The following SC5D variants were observed in gnomAD, a reference collection of about 807,000 sequenced individuals.
SC5D encodes sterol-C5-desaturase.
SC5D carries 21 observed loss-of-function variants against 23.9 expected under a neutral mutation model. That is an observed-to-expected ratio of 0.88 (90% confidence interval 0.62 to 1.26). SC5D has a LOEUF of 1.26. Among genes scored for constraint, SC5D ranks in the 50% most tolerant of loss-of-function variants. SC5D has a pLI of 0.00. For missense variants in SC5D, 309 were observed against 364.8 expected (o/e 0.85, Z 1.25); for synonymous variants, 113 against 125.9 (o/e 0.90, Z 0.68).
rs1385741080 is a variant in SC5D at position 121,309,006 on chromosome 11, AAAAG to A, written c.*1498_*1501del. Among the ~76,000 whole-genome samples the A allele has an allele frequency of 2.0e-4, 30 of 152,250 alleles. No individual in the cohort carries two copies. The highest frequency in any genetic ancestry group is 7.2e-4 in the African/African-American group (30 of 41,472). ...CCCCGGTGCTCCGCCTTGCCTAAGAAAAAGAAATTAAGGAGAAGTAAACTTTATT... is the reference window on the plus strand; with the variant it reads ...CCCCGGTGCTCCGCCTTGCCTAAGAAAAATTAAGGAGAAGTAAACTTTATT... On this transcript the variant is annotated 3_prime_UTR_variant, in exon 5 of 5. Coordinates refer to ENST00000264027, the MANE Select transcript of SC5D (RefSeq NM_006918.5).
At chr11:121,298,768 G>T (rs1947906908) in intron 1 of SC5D, among the ~76,000 whole-genome samples, 1 of 152,172 alleles carries the variant, frequency 6.6e-6, no homozygotes. Context: ...GAGCAATAAA[G>T]CTTTTTTAAT....
At chr11:121,296,543 T>C (rs780039800) in intron 1 of SC5D, among the ~76,000 whole-genome samples, 1 of 152,204 alleles carries the variant, frequency 6.6e-6, no homozygotes, top group Non-Finnish European at 1.5e-5. Flanking sequence ...TAGGAAGCCT[T>C]TTACCATAAG....
At chr11:121,306,357 A>G in intron 3 of SC5D, 29 bp from the exon 4 acceptor site, 1 of 1,164,948 alleles carries the variant, frequency 8.6e-7, no homozygotes, top group Non-Finnish European at 1.3e-6. Flanking sequence ...CTGAGTTTTG[A>G]TTCTTCTGTT....
intron 3 of SC5D, chr11:121,305,368 G>A (rs926165895): frequency 6.6e-6 from 1 of 151,632 alleles, no homozygotes; most frequent in East Asian, 1.9e-4. Flanking sequence ...TTTCAGTAAC[G>A]AGTTGGTGGT....
Position 121,309,937 on chromosome 11 carries a change from T to C in SC5D, c.*2425T>C, listed in dbSNP as rs1409029485. Among the ~76,000 whole-genome samples the C allele has an allele frequency of 6.6e-6, 1 of 152,184 alleles. No homozygotes were observed. The highest frequency in any genetic ancestry group is 1.5e-5 in the Non-Finnish European group (1 of 68,038). Reference sequence around the variant, plus strand: ...GTAGAAATTGAGAAGTGGGTGGATATGGTTCGAGAAGACCTTTCAGAAACA... The same window carrying C: ...GTAGAAATTGAGAAGTGGGTGGATACGGTTCGAGAAGACCTTTCAGAAACA... On this transcript the variant is annotated 3_prime_UTR_variant, in exon 5 of 5. Coordinates refer to ENST00000264027, the MANE Select transcript of SC5D (RefSeq NM_006918.5).
At chr11:121,304,028 G>T in intron 2 of SC5D, 1 of 312,060 alleles carries the variant, frequency 3.2e-6, no homozygotes, top group South Asian at 3.2e-5. Context: ...GTGACTCCAA[G>T]GACTGAACAG....
chr11:121,306,302 T>C (rs1244983815), intron 3 of SC5D, 84 bp from the exon 4 acceptor site: 3 of 732,690 alleles, frequency 4.1e-6, no homozygotes, highest in Non-Finnish European at 7.5e-6. Context: ...GGATCCCATT[T>C]TGCACTCAGA....
intron 2 of SC5D, chr11:121,303,791 A>AT (rs1218329827): frequency 1.8e-6 from 1 of 550,712 alleles, no homozygotes; most frequent in Non-Finnish European, 3.2e-6. Context: ...TAATAAAACT[A>AT]TAAGTCTAGT....
rs1437148848 is a variant in SC5D, at chr11:121,310,281, G to A, written c.*2769G>A. Among the ~76,000 whole-genome samples the A allele has an allele frequency of 6.6e-6, 1 of 152,132 alleles. No homozygotes were observed. The highest frequency in any genetic ancestry group is 1.5e-5 in the Non-Finnish European group (1 of 68,010). On this transcript the variant is annotated 3_prime_UTR_variant, in exon 5 of 5. Transcript: ENST00000264027. ...GATATTCAAAGACACTAACCAACTT[G>A]AGGGGTGCAGTGGTCTGAATGTGTC...
chr11:121,296,219 T>C (rs1458368172), intron 1 of SC5D, among the ~76,000 whole-genome samples: 1 of 152,186 alleles, frequency 6.6e-6, no homozygotes, highest in East Asian at 1.9e-4. Context: ...TGGGTCTGAT[T>C]GTATCTTTTT....
At position 121,296,899 on chromosome 11, in the gene SC5D, G is replaced by T. The variant is rs1187575387; in HGVS notation, c.-11+4083G>T. ...AATATATAAGGAGCTTCTAGAATTT[G>T]ACTTTTATAAAGATACTAAAAACTC... is the stretch of plus-strand genomic sequence containing the variant. On this transcript the variant is annotated intron_variant, in intron 1 of 4. Coordinates refer to ENST00000264027, the MANE Select transcript of SC5D (RefSeq NM_006918.5). Among the ~76,000 whole-genome samples the T allele has an allele frequency of 4.6e-5, 7 of 152,086 alleles. No individual in the cohort carries two copies. In the East Asian group the frequency reaches 1.3e-3, roughly 29 times the overall value.
chr11:121,304,234 A>G lies in SC5D; in HGVS notation c.211-127A>G, dbSNP rs1311990350. 1.3e-5 allele frequency: 10 copies of G among 766,924 alleles called. No homozygotes were observed. In the Admixed American group the frequency reaches 2.4e-4, roughly 18 times the overall value. The allele number at this position is 766,924 out of a possible 1,614,324, so 47.5% of individuals were successfully genotyped here. A position where few individuals can be genotyped will look rare whatever the true frequency, so the allele number is the denominator to read the frequency against. ...ATTTTTATGTATTTAAAATTTTAAT[A>G]GAAACAGTTTGGAGGTAAGCCCCTT... On this transcript the variant is annotated intron_variant, in intron 2 of 4. Coordinates refer to ENST00000264027, the MANE Select transcript of SC5D (RefSeq NM_006918.5).
chr11:121,293,179 C>G (rs562292096), intron 1 of SC5D: 1 of 152,326 alleles, frequency 6.6e-6, no homozygotes, highest in Non-Finnish European at 1.5e-5. Flanking sequence ...GGGCCTTCCG[C>G]TCGCGCTGGG....
At chr11:121,293,763 A>C (rs777091319) in intron 1 of SC5D, among the ~76,000 whole-genome samples, 5 of 152,214 alleles carry the variant, frequency 3.3e-5, no homozygotes, top group Non-Finnish European at 7.3e-5. Flanking sequence ...TCATTTACAG[A>C]GTGCTTTTCC....
Position 121,307,349 on chromosome 11 carries a change from T to G in SC5D, c.737T>G (p.Leu246Trp). Residue 246 changes from leucine (L) to tryptophan (W), a missense_variant, in exon 5 of 5, where the codon TTG becomes TGG. By Grantham distance (61) the Leu-to-Trp change is moderately conservative. Transcript: ENST00000264027. ...FDYNYGQYFT[L>W]WDRIGGSFKN... ...TATAATTATGGACAATATTTCACTT[T>G]GTGGGATAGGATTGGCGGCTCATTC... 6.2e-7 allele frequency: 1 copy of G among 1,614,166 alleles called. No individual in the cohort carries two copies. The highest frequency in any genetic ancestry group is 8.5e-7 in the Non-Finnish European group (1 of 1,180,008).
chr11:121,306,867 C>T, intron 4 of SC5D, 190 bp from the exon 5 acceptor site: 1 of 671,936 alleles, frequency 1.5e-6, no homozygotes, highest in South Asian at 1.7e-5. Flanking sequence ...TGGAACACCA[C>T]TGCACTTGTA....
In SC5D at chr11:121,305,976, G is replaced by A. The variant is rs570871051; in HGVS notation, c.344-410G>A. ...GTTGGAAAGATCCGAAAGGGGTGGAGTATGGAATAAATGCTAAATTTAAAG... is the reference window on the plus strand; with the variant it reads ...GTTGGAAAGATCCGAAAGGGGTGGAATATGGAATAAATGCTAAATTTAAAG... On this transcript the variant is annotated intron_variant, in intron 3 of 4. Transcript: ENST00000264027. The A allele has an allele frequency of 1.3e-4, 32 of 239,092 alleles. 2 individuals are homozygous for A. Among genetic ancestry groups the A allele is most frequent in the South Asian group, 1.2e-3 (22 of 18,576 alleles). The allele number at this position is 239,092 out of a possible 1,614,324, so 14.8% of individuals were successfully genotyped here. A position where few individuals can be genotyped will look rare whatever the true frequency, so the allele number is the denominator to read the frequency against.
chr11:121,303,331 A>G, intron 1 of SC5D, 35 bp from the exon 2 acceptor site: 1 of 1,579,450 alleles, frequency 6.3e-7, no homozygotes, highest in Non-Finnish European at 8.7e-7. Context: ...AAATAGAGAC[A>G]TGGTAACTAA....
Position 121,307,575 on chromosome 11 carries a change from TA to T in SC5D, c.*65del, listed in dbSNP as rs1246168526. ...GAAATATCATCGTATTTCTTTTTTT[TA>T]ATAAGGAAAAAATAATATCCATACA... On this transcript the variant is annotated 3_prime_UTR_variant, in exon 5 of 5. Transcript: ENST00000264027. 2.6e-6 allele frequency: 3 copies of T among 1,159,542 alleles called. No homozygotes were observed. Among genetic ancestry groups the T allele is most frequent in the Non-Finnish European group, 3.6e-6 (3 of 824,504 alleles). The allele number at this position is 1,159,542 out of a possible 1,614,324, so 71.8% of individuals were successfully genotyped here.
Sources: gnomAD v4.1 joint callset for allele counts (sites outside exome capture counted in the v4.1 genomes callset) on GRCh38, gnomAD v4.1.1 for gene constraint, MANE v1.5 for transcripts, NCBI Gene and HGNC (gene_info 2026-07-23, HGNC 2026-07-21) for gene names.